Variants in ASH1L observed in about 807,000 individuals in gnomAD.
ASH1L encodes the protein histone-lysine N-methyltransferase ASH1L.
In ASH1L, 23 loss-of-function variants were observed where a neutral mutation model predicts 269.0. The observed-to-expected ratio is 0.09, with a 90% confidence interval of 0.06 to 0.12. The LOEUF is 0.12. Ranked by LOEUF, ASH1L falls within the 10% of genes least tolerant of loss-of-function variation. The pLI is 1.00. For synonymous variants in ASH1L, 1,187 were observed against 1,253.5 expected, an observed-to-expected ratio of 0.95 and a Z score of 1.12; for missense variants, 2,912 against 3,567.8, an observed-to-expected ratio of 0.82 and a Z score of 4.68.
intron 7 of ASH1L, among the ~76,000 whole-genome samples, chr1:155,388,715 C>T (rs200474950): frequency 1.4e-4 from 19 of 131,674 alleles, no homozygotes; most frequent in South Asian, 2.4e-4. Context: ...AATTGCGATT[C>T]TTTTTTTTTT....
intron 5 of ASH1L, among the ~76,000 whole-genome samples, chr1:155,417,826 T>C (rs1169071142): frequency 2.6e-5 from 4 of 151,876 alleles, no homozygotes; most frequent in African/African-American, 9.7e-5. Flanking sequence ...GGTGTGGTGG[T>C]GCAAGCCCGT....
chr1:155,527,531 C>CTTTTTTTT (rs35475547), intron 1 of ASH1L, among the ~76,000 whole-genome samples: 3 of 110,822 alleles, frequency 2.7e-5, no homozygotes, highest in Admixed American at 2.0e-4. Flanking sequence ...TACGGGATAC[C>CTTTTTTTT]TTTTTTTTTT....
At chr1:155,543,121 T>G (rs1364242067) in intron 1 of ASH1L, among the ~76,000 whole-genome samples, 1 of 152,154 alleles carries the variant, frequency 6.6e-6, no homozygotes, top group African/African-American at 2.4e-5. Flanking sequence ...AGATCAAAAT[T>G]AAGTATCTTG....
intron 1 of ASH1L, among the ~76,000 whole-genome samples, chr1:155,532,945 G>A (rs760289666): frequency 3.2e-5 from 4 of 126,154 alleles, no homozygotes; most frequent in South Asian, 2.6e-4. Flanking sequence ...ATATGTGTGT[G>A]TGTGTATATA....
intron 1 of ASH1L, among the ~76,000 whole-genome samples, chr1:155,550,019 G>A (rs573840526): frequency 2.9e-5 from 4 of 137,378 alleles, no homozygotes; most frequent in Non-Finnish European, 6.2e-5. Flanking sequence ...CAACTATCAC[G>A]ATAGCCTCTT....
intron 10 of ASH1L, among the ~76,000 whole-genome samples, chr1:155,375,905 C>T (rs1468008491): frequency 6.6e-6 from 1 of 152,000 alleles, no homozygotes; most frequent in Non-Finnish European, 1.5e-5. Context: ...CCGGCCTCGG[C>T]TAAGTATCGA....
chr1:155,414,693 G>A (rs1660066062), intron 6 of ASH1L, among the ~76,000 whole-genome samples: 1 of 152,118 alleles, frequency 6.6e-6, no homozygotes, highest in Admixed American at 6.6e-5. Context: ...TTACCACAGG[G>A]CCACTACATT....
rs140190664 is a variant in ASH1L at position 155,515,432 on chromosome 1, A to G, written c.420+5668T>C. Among the ~76,000 whole-genome samples the G allele has an allele frequency of 6.8e-3, 1,034 of 152,288 alleles. 15 individuals are homozygous for G. Among genetic ancestry groups the G allele is most frequent in the African/African-American group, 0.024 (1,004 of 41,564 alleles). On this transcript the variant is annotated intron_variant, in intron 2 of 27. Coordinates refer to ENST00000392403, the MANE Select transcript of ASH1L (RefSeq NM_018489.3). ...CCAGAAGCACAGATTTTTATGCTAC[A>G]GGATTAAACAAACTGATTTCTTTTT...
At chr1:155,425,525 G>A (rs1423021041) in intron 5 of ASH1L, among the ~76,000 whole-genome samples, 1 of 150,816 alleles carries the variant, frequency 6.6e-6, no homozygotes, top group African/African-American at 2.4e-5. Flanking sequence ...TGCAATCTCT[G>A]CCTCCTGGGT....
At chr1:155,392,455 T>C (rs1658008372) in intron 7 of ASH1L, among the ~76,000 whole-genome samples, 1 of 152,134 alleles carries the variant, frequency 6.6e-6, no homozygotes, top group Admixed American at 6.6e-5. Flanking sequence ...AGGATTACTA[T>C]GTTTTAAATT....
At position 155,480,227 on chromosome 1, in the gene ASH1L, C is replaced by G; in HGVS notation, c.2643G>C (p.Leu881=). 1 of 1,614,146 alleles carries G rather than the reference C, an allele frequency of 6.2e-7. No individual in the cohort carries two copies. The highest frequency in any genetic ancestry group is 8.5e-7 in the Non-Finnish European group (1 of 1,180,002). The change falls in exon 3 of 28, where the codon CTG becomes CTC. Residue 881 remains leucine (L), a synonymous_variant. Transcript: ENST00000392403. ...TCTTTTTTGGAAAAGGAGACACAGACAGACCTTGTTTGAAGGAAGGGATTT... is the reference window on the plus strand; with the variant it reads ...TCTTTTTTGGAAAAGGAGACACAGAGAGACCTTGTTTGAAGGAAGGGATTT... ...EIEIPSFKQG[L]SVSPFPKKRG...
intron 1 of ASH1L, among the ~76,000 whole-genome samples, chr1:155,559,399 G>A (rs1571162747): frequency 6.6e-6 from 1 of 151,966 alleles, no homozygotes; most frequent in African/African-American, 2.4e-5. Context: ...GCAGGGCATG[G>A]TGGCACATGC....
chr1:155,521,410 ACTT>A lies in ASH1L; in HGVS notation c.107_109del (p.Glu36del). 6.2e-7 allele frequency: 1 copy of A among 1,613,848 alleles called. No homozygotes were observed. Among genetic ancestry groups the A allele is most frequent in the Non-Finnish European group, 8.5e-7 (1 of 1,179,974 alleles). On this transcript the variant is annotated inframe_deletion, in exon 2 of 28. Transcript: ENST00000392403. ...CTCCTTTGTGTTTTTTTCTAGCTCT[ACTT>A]CTCTCTTACTGACCAATGTGCCAGT...
chr1:155,470,102 A>T (rs1247128567), intron 3 of ASH1L, among the ~76,000 whole-genome samples: 4 of 152,128 alleles, frequency 2.6e-5, no homozygotes, highest in Admixed American at 6.6e-5. Flanking sequence ...CTCCTTCCCA[A>T]GACCTTTAAA....
intron 6 of ASH1L, among the ~76,000 whole-genome samples, chr1:155,409,739 T>A (rs1168666867): frequency 6.6e-6 from 1 of 152,178 alleles, no homozygotes; most frequent in African/African-American, 2.4e-5. Flanking sequence ...ATGTTGAGAT[T>A]ACAGGCATAA....
chr1:155,446,998 T>C (rs2148644906), intron 4 of ASH1L, among the ~76,000 whole-genome samples: 1 of 152,364 alleles, frequency 6.6e-6, no homozygotes, highest in Middle Eastern at 3.4e-3. Context: ...TTAAACTCAT[T>C]TATTAAGTTC....
chr1:155,478,001 G>A lies in ASH1L; in HGVS notation c.4869C>T (p.Gly1623=). The part of the protein sequence containing the change: ...SCRVSNPNSS[G]RKKLTDSPGL... Reference sequence around the variant, plus strand: ...CAGGGCTGTCAGTTAATTTCTTCCGGCCACTGGAGTTAGGGTTTGAAACTC... The same window carrying A: ...CAGGGCTGTCAGTTAATTTCTTCCGACCACTGGAGTTAGGGTTTGAAACTC... The change falls in exon 3 of 28, where the codon GGC becomes GGT. Residue 1623 remains glycine, a synonymous_variant. Transcript: ENST00000392403. The surrounding 1 kb of genome is among the most constrained non-coding windows in gnomAD (Gnocchi z 4.6). The A allele has an allele frequency of 6.2e-7, 1 of 1,614,174 alleles. No homozygotes were observed. Among genetic ancestry groups the A allele is most frequent in the South Asian group, 1.1e-5 (1 of 91,088 alleles).
intron 1 of ASH1L, among the ~76,000 whole-genome samples, chr1:155,545,175 C>CAAAAA (rs10624841): frequency 0.028 from 619 of 21,780 alleles, 226 homozygotes; most frequent in Admixed American, 0.033. Flanking sequence ...TCCATCTCAC[C>CAAAAA]AAAAAAAAAA....
intron 6 of ASH1L, among the ~76,000 whole-genome samples, chr1:155,398,080 A>G (rs1658515780): frequency 6.6e-6 from 1 of 152,216 alleles, no homozygotes; most frequent in Non-Finnish European, 1.5e-5. Flanking sequence ...TCCAGTAAAA[A>G]CAATATATTT....
Sources: gnomAD v4.1 joint callset for allele counts (sites outside exome capture counted in the v4.1 genomes callset) on GRCh38, gnomAD v4.1.1 for gene constraint, Gnocchi (gnomAD v3.1) non-coding constraint, MANE v1.5 for transcripts, NCBI Gene and HGNC (gene_info 2026-07-23, HGNC 2026-07-21) for gene names.